The following ZNF793 variants were observed in gnomAD, a reference collection of about 807,000 sequenced individuals.
ZNF793 encodes zinc finger protein 793.
A neutral mutation model predicts 12.4 loss-of-function variants in ZNF793; 5 were observed. The ratio of observed to expected loss-of-function variants is 0.40; its 90% CI spans 0.21 to 0.84. The LOEUF (loss-of-function observed/expected upper bound fraction) is 0.84, where lower values mean the gene tolerates loss of function less well. Among genes scored for constraint, ZNF793 ranks in the 40% least tolerant of loss-of-function variants. ZNF793 has a pLI of 0.35. For missense variants in ZNF793, 456 were observed against 495.0 expected, an observed-to-expected ratio of 0.92 and a Z score of 0.75; for synonymous variants, 162 against 172.4, an observed-to-expected ratio of 0.94 and a Z score of 0.47.
In ZNF793 at chr19:37,543,055, T is replaced by A. The variant is rs1333261144; in HGVS notation, c.*5176T>A. Reference sequence around the variant, plus strand: ...CTAGAATTTTGCTAATTTGTGGGGATGTTCATGGTATATATTGTAAAAAGG... The same window carrying A: ...CTAGAATTTTGCTAATTTGTGGGGAAGTTCATGGTATATATTGTAAAAAGG... On this transcript the variant is annotated 3_prime_UTR_variant, in exon 8 of 8. Coordinates refer to ENST00000627814, the MANE Select transcript of ZNF793 (RefSeq NM_001013659.3). 6.6e-6 allele frequency: 1 copy of A among 152,194 alleles called. No individual in the cohort carries two copies. Among genetic ancestry groups the A allele is most frequent in the Non-Finnish European group, 1.5e-5 (1 of 68,048 alleles). 9.4% of individuals were successfully genotyped at this position (152,194 alleles called of 1,614,324 possible). A position where few individuals can be genotyped will look rare whatever the true frequency, so the allele number is the denominator to read the frequency against.
intron 5 of ZNF793, among the ~76,000 whole-genome samples, chr19:37,530,945 A>G (rs1487425293): frequency 6.6e-6 from 1 of 152,008 alleles, no homozygotes; most frequent in African/African-American, 2.4e-5. Flanking sequence ...ATTTTTCAAA[A>G]TTCTGTTTAT....
intron 2 of ZNF793, among the ~76,000 whole-genome samples, chr19:37,513,604 C>T (rs998638756): frequency 6.6e-6 from 1 of 152,180 alleles, no homozygotes; most frequent in African/African-American, 2.4e-5. Flanking sequence ...ATCTGGGTTC[C>T]ACTCTGGGCC....
Position 37,532,401 on chromosome 19 carries a change from G to A in ZNF793, c.61G>A (p.Glu21Lys). The A allele has an allele frequency of 1.2e-6, 2 of 1,614,142 alleles. No individual in the cohort carries two copies. Among genetic ancestry groups the A allele is most frequent in the South Asian group, 2.2e-5 (2 of 91,072 alleles). The change falls in exon 6 of 8, where the codon GAG becomes AAG. Residue 21 changes from glutamate to lysine, a missense_variant. Glu to Lys is a moderately conservative substitution (Grantham distance 56). Coordinates refer to ENST00000627814, the MANE Select transcript of ZNF793 (RefSeq NM_001013659.3). ...TGTGGTTGTGGGCTTCACCCAAGAG[G>A]AGTGGCACCGGCTGAGTCCTGCTCA... is the stretch of plus-strand genomic sequence containing the variant. Reference protein sequence around the residue: ...KDVVVGFTQEEWHRLSPAQRA... With the variant: ...KDVVVGFTQEKWHRLSPAQRA...
chr19:37,537,076 A>G lies in ZNF793; in HGVS notation c.418A>G (p.Asn140Asp), dbSNP rs1256905856. 6.2e-7 allele frequency: 1 copy of G among 1,613,830 alleles called. No individual in the cohort carries two copies. Among genetic ancestry groups the G allele is most frequent in the South Asian group, 1.1e-5 (1 of 91,034 alleles). The change falls in exon 8 of 8, where the codon AAC becomes GAC. Residue 140 changes from asparagine (N) to aspartate (D), a missense_variant. Physicochemically the swap from Asn to Asp is conservative, Grantham distance 23 (BLOSUM62 1). Transcript: ENST00000627814. ...FSSIQSPSNW[N>D]PCGKNLNHNL... is the part of the protein sequence containing the mutation. ...TTCAATCCAGAGCCCTAGTAACTGGAACCCTTGTGGAAAGAATTTGAACCA... is the reference window on the plus strand; with the variant it reads ...TTCAATCCAGAGCCCTAGTAACTGGGACCCTTGTGGAAAGAATTTGAACCA...
At chr19:37,528,875 G>A (rs535626571) in intron 5 of ZNF793, among the ~76,000 whole-genome samples, 23 of 152,188 alleles carry the variant, frequency 1.5e-4, no homozygotes, top group Non-Finnish European at 3.1e-4. Flanking sequence ...TGCTCTCCCC[G>A]TCTTGCAGAG....
rs1216500571 is a variant in ZNF793, at chr19:37,542,382, A to G, written c.*4503A>G. The G allele has an allele frequency of 2.8e-6, 1 of 357,520 alleles. No homozygotes were observed. Among genetic ancestry groups the G allele is most frequent in the Admixed American group, 3.4e-5 (1 of 29,816 alleles). The allele number at this position is 357,520 out of a possible 1,614,324, so 22.1% of individuals were successfully genotyped here. A position where few individuals can be genotyped will look rare whatever the true frequency, so the allele number is the denominator to read the frequency against. On this transcript the variant is annotated 3_prime_UTR_variant, in exon 8 of 8. Transcript: ENST00000627814. ...CACTCCAACCTGGGCAACAGAGCAA[A>G]AAGATTCCATCTCAAAAGAAAAGAA... is the stretch of plus-strand genomic sequence containing the variant.
At position 37,533,303 on chromosome 19, in the gene ZNF793, A is replaced by C. The variant is rs2042476953; in HGVS notation, c.143-5A>C. 6.2e-7 allele frequency: 1 copy of C among 1,613,838 alleles called. No individual in the cohort carries two copies. The highest frequency in any genetic ancestry group is 8.5e-7 in the Non-Finnish European group (1 of 1,179,782). On this transcript the variant is annotated splice_polypyrimidine_tract_variant and splice_region_variant and intron_variant, in intron 6 of 7. Coordinates refer to ENST00000627814, the MANE Select transcript of ZNF793 (RefSeq NM_001013659.3). ...CCAAGACCTGCATCAATTTCCCCGG[A>C]ACAGGTTATGAAGGCACCAAACCAG...
rs994198236 is a variant in ZNF793, at chr19:37,540,736, A to G, written c.*2857A>G. On this transcript the variant is annotated 3_prime_UTR_variant, in exon 8 of 8. Transcript: ENST00000627814. Reference sequence around the variant, plus strand: ...TTTACTGATGATATGGTTGTACACCAATAAATGAAAAGACTATTTTTTGAG... The same window carrying G: ...TTTACTGATGATATGGTTGTACACCGATAAATGAAAAGACTATTTTTTGAG... 2 of 152,048 alleles carry G rather than the reference A, an allele frequency of 1.3e-5. No individual in the cohort carries two copies. Among genetic ancestry groups the G allele is most frequent in the Non-Finnish European group, 2.9e-5 (2 of 67,984 alleles). 9.4% of individuals were successfully genotyped at this position (152,048 alleles called of 1,614,324 possible).
intron 2 of ZNF793, among the ~76,000 whole-genome samples, chr19:37,518,811 A>C (rs530026307): frequency 6.8e-4 from 103 of 151,742 alleles, no homozygotes; most frequent in African/African-American, 2.4e-3. Context: ...AAAAAAATAA[A>C]TTATTGTTGG....
chr19:37,531,054 A>G (rs1418709730), intron 5 of ZNF793, among the ~76,000 whole-genome samples: 1 of 152,196 alleles, frequency 6.6e-6, no homozygotes, highest in Non-Finnish European at 1.5e-5. Context: ...TCATTATACC[A>G]CTTCACATAG....
At position 37,537,784 on chromosome 19, in the gene ZNF793, T is replaced by G. The variant is rs1568327849; in HGVS notation, c.1126T>G (p.Phe376Val). 8 of 1,614,098 alleles carry G rather than the reference T, an allele frequency of 5.0e-6. No homozygotes were observed. The highest frequency in any genetic ancestry group is 5.9e-6 in the Non-Finnish European group (7 of 1,179,970). The change falls in exon 8 of 8, where the codon TTC becomes GTC. Residue 376 changes from phenylalanine to valine, a missense_variant. Physicochemically the swap from Phe to Val is conservative, Grantham distance 50. Transcript: ENST00000627814. ...PYGCNECGKA[F>V]YQKPNLSRHQ... ...TGGGTGCAATGAATGTGGGAAAGCT[T>G]TCTACCAGAAGCCAAACCTCAGCAG...
chr19:37,533,258 T>G, intron 6 of ZNF793, 50 bp from the exon 7 acceptor site: 1 of 1,559,578 alleles, frequency 6.4e-7, no homozygotes, highest in Non-Finnish European at 8.8e-7. Context: ...TGAGAGGCCC[T>G]GAAGACCAAG....
intron 2 of ZNF793, among the ~76,000 whole-genome samples, chr19:37,510,947 T>G (rs1456872817): frequency 1.3e-5 from 2 of 151,892 alleles, no homozygotes; most frequent in African/African-American, 4.8e-5. Context: ...TCCGCCCACC[T>G]CAGTCTCCCA....
At chr19:37,526,482 A>G (rs372152356) in intron 5 of ZNF793, among the ~76,000 whole-genome samples, 12 of 152,176 alleles carry the variant, frequency 7.9e-5, no homozygotes, top group African/African-American at 2.6e-4. Context: ...TGGGTGCAGA[A>G]TTGTATCTTT....
intron 7 of ZNF793, chr19:37,534,477 CT>C (rs1212543110): frequency 1.3e-5 from 2 of 150,986 alleles, no homozygotes; most frequent in Non-Finnish European, 2.9e-5. Context: ...CTTGCTACCC[CT>C]GCCACACACA....
In ZNF793 at chr19:37,539,426, A is replaced by AT. The variant is rs994530673; in HGVS notation, c.*1554dup. 13 of 152,084 alleles carry AT rather than the reference A, an allele frequency of 8.5e-5. No individual in the cohort carries two copies. The highest frequency in any genetic ancestry group is 6.2e-4 in the South Asian group (3 of 4,828). 9.4% of individuals were successfully genotyped at this position (152,084 alleles called of 1,614,324 possible). Reference sequence around the variant, plus strand: ...TCTGCAAATTAATTCAAGAATATTCATTTTTTTCATATAAATTTCCTTGCA... The same window carrying AT: ...TCTGCAAATTAATTCAAGAATATTCATTTTTTTTCATATAAATTTCCTTGCA... On this transcript the variant is annotated 3_prime_UTR_variant, in exon 8 of 8. Transcript: ENST00000627814.
At chr19:37,514,161 G>A (rs2042313145) in intron 2 of ZNF793, among the ~76,000 whole-genome samples, 1 of 152,204 alleles carries the variant, frequency 6.6e-6, no homozygotes, top group African/African-American at 2.4e-5. Context: ...AAGGTGGCAT[G>A]CAAAAGATTT....
intron 2 of ZNF793, among the ~76,000 whole-genome samples, chr19:37,508,672 C>T (rs566641846): frequency 6.6e-6 from 1 of 152,012 alleles, no homozygotes; most frequent in Admixed American, 6.6e-5. Flanking sequence ...TACCACTGCA[C>T]TCCAGCCCGG....
intron 5 of ZNF793, among the ~76,000 whole-genome samples, chr19:37,528,751 A>G (rs1284273667): frequency 6.6e-6 from 1 of 152,158 alleles, no homozygotes; most frequent in Non-Finnish European, 1.5e-5. Flanking sequence ...GAGGCCTGCC[A>G]GGCGGTCAAG....
Sources: gnomAD v4.1 joint callset for allele counts (sites outside exome capture counted in the v4.1 genomes callset) on GRCh38, gnomAD v4.1.1 for gene constraint, MANE v1.5 for transcripts, NCBI Gene and HGNC (gene_info 2026-07-23, HGNC 2026-07-21) for gene names.